The following INSIG2 variants were observed in gnomAD, a reference collection of about 807,000 sequenced individuals.
INSIG2 encodes insulin-induced gene 2 protein.
A neutral mutation model predicts 27.2 loss-of-function variants in INSIG2; 10 were observed. The ratio of observed to expected loss-of-function variants is 0.37; its 90% confidence interval spans 0.23 to 0.62. The LOEUF is 0.62. Among genes scored for constraint, INSIG2 ranks in the 20% least tolerant of loss-of-function variants. INSIG2 has a pLI of 0.65. For synonymous variants in INSIG2, 97 were observed against 95.8 expected (o/e 1.01, Z -0.07); for missense variants, 178 against 270.2 (o/e 0.66, Z 2.39).
chr2:118,094,706 G>A (rs1287252313), intron 1 of INSIG2, among the ~76,000 whole-genome samples: 1 of 152,140 alleles, frequency 6.6e-6, no homozygotes, highest in African/African-American at 2.4e-5. Context: ...AAAAAGGCCC[G>A]TTGTCTAAGT....
Position 118,088,514 on chromosome 2 carries a change from C to T in INSIG2, c.-166C>T. On this transcript the variant is annotated 5_prime_UTR_variant, in exon 1 of 6. Transcript: ENST00000245787. ...GAAGAGGCGGTAGGGGGTACGGGGGCTGGTCCCAGAAGATGGCGGAGGCGG... is the reference window on the plus strand; with the variant it reads ...GAAGAGGCGGTAGGGGGTACGGGGGTTGGTCCCAGAAGATGGCGGAGGCGG... 1 of 152,782 alleles carries T rather than the reference C, an allele frequency of 6.5e-6. No homozygotes were observed. Among genetic ancestry groups the T allele is most frequent in the Non-Finnish European group, 1.5e-5 (1 of 68,418 alleles). The allele number at this position is 152,782 out of a possible 1,614,324, so 9.5% of individuals were successfully genotyped here.
intron 3 of INSIG2, among the ~76,000 whole-genome samples, chr2:118,104,517 A>G (rs34910594): frequency 2.0e-5 from 3 of 152,212 alleles, no homozygotes; most frequent in Non-Finnish European, 2.9e-5. Flanking sequence ...AAGATTTTAT[A>G]AAAAATCTAG....
chr2:118,106,537 C>G lies in INSIG2; in HGVS notation c.370-200C>G, dbSNP rs1044266634. 8.0e-6 allele frequency: 4 copies of G among 501,224 alleles called. 1 individual carries two copies. The South Asian group carries it at 1.1e-4, about 14-fold the overall frequency. 31.0% of individuals were successfully genotyped at this position (501,224 alleles called of 1,614,324 possible). On this transcript the variant is annotated intron_variant, in intron 3 of 5. Coordinates refer to ENST00000245787, the MANE Select transcript of INSIG2 (RefSeq NM_016133.4). ...GTTGGTAGGATCTATTGATTAATGT[C>G]TTTTGTGTATCTGGTATTGGGTAAA...
intron 1 of INSIG2, among the ~76,000 whole-genome samples, chr2:118,094,801 C>A (rs1297397610): frequency 6.6e-6 from 1 of 152,144 alleles, no homozygotes; most frequent in Admixed American, 6.5e-5. Flanking sequence ...TGTAATTCAG[C>A]CCCATTCTCT....
chr2:118,106,935 G>T, intron 4 of INSIG2, 32 bp downstream of exon 4: 2 of 1,606,738 alleles, frequency 1.2e-6, no homozygotes, highest in South Asian at 2.2e-5. Context: ...TTTGGTGCTT[G>T]TTTGCTAGAT....
chr2:118,106,353 CA>C (rs1419605186), intron 3 of INSIG2, among the ~76,000 whole-genome samples: 1 of 152,116 alleles, frequency 6.6e-6, no homozygotes, highest in African/African-American at 2.4e-5. Context: ...TCCTTTTTTG[CA>C]AAAGTGTGTT....
At chr2:118,091,301 C>T (rs917888078) in intron 1 of INSIG2, among the ~76,000 whole-genome samples, 2 of 152,160 alleles carry the variant, frequency 1.3e-5, no homozygotes, top group African/African-American at 2.4e-5. Flanking sequence ...GTTTTGTGGA[C>T]GCCTCTATCC....
intron 3 of INSIG2, among the ~76,000 whole-genome samples, chr2:118,104,340 G>A (rs539775072): frequency 6.6e-6 from 1 of 152,290 alleles, no homozygotes; most frequent in South Asian, 2.1e-4. Context: ...CCATAGAAAA[G>A]AGCAGGGTCC....
chr2:118,096,694 A>C lies in INSIG2; in HGVS notation c.138A>C (p.Leu46Phe). ...FFIGVFLALV[L>F]NLLQIQRNVT... ...TTGGAGTATTTCTTGCATTAGTGTTAAATTTACTTCAGATTCAGAGAAATG... is the reference window on the plus strand; with the variant it reads ...TTGGAGTATTTCTTGCATTAGTGTTCAATTTACTTCAGATTCAGAGAAATG... Residue 46 changes from leucine to phenylalanine, a missense_variant, in exon 2 of 6, where the codon TTA (leucine) becomes TTC (phenylalanine). By Grantham distance (22) the Leu-to-Phe change is conservative. Transcript: ENST00000245787. The C allele has an allele frequency of 6.2e-7, 1 of 1,614,066 alleles. No homozygotes were observed.
intron 1 of INSIG2, among the ~76,000 whole-genome samples, chr2:118,089,877 G>A (rs2104517650): frequency 6.6e-6 from 1 of 152,334 alleles, no homozygotes; most frequent in South Asian, 2.1e-4. Context: ...AACTTTTTTA[G>A]GCACTGAGAT....
At chr2:118,094,101 T>G (rs71338920) in intron 1 of INSIG2, among the ~76,000 whole-genome samples, 1,865 of 45,112 alleles carry the variant, frequency 0.041, 197 homozygotes, top group South Asian at 0.087. Flanking sequence ...ATGATGATGA[T>G]GATGAGGAGG....
intron 3 of INSIG2, among the ~76,000 whole-genome samples, chr2:118,106,460 A>G (rs1404483920): frequency 1.3e-5 from 2 of 152,202 alleles, no homozygotes; most frequent in Admixed American, 6.5e-5. Flanking sequence ...TTGGGAATGT[A>G]TGTAGACTGT....
Position 118,096,403 on chromosome 2 carries a change from T to G in INSIG2, c.-138-16T>G. On this transcript the variant is annotated splice_polypyrimidine_tract_variant and intron_variant, in intron 1 of 5. Coordinates refer to ENST00000245787, the MANE Select transcript of INSIG2 (RefSeq NM_016133.4). ...TATTAGATACACATTAATTTCTTTTTTCTTATCTCTTGCAGGATTTCTGGT... is the reference window on the plus strand; with the variant it reads ...TATTAGATACACATTAATTTCTTTTGTCTTATCTCTTGCAGGATTTCTGGT... The G allele has an allele frequency of 1.5e-6, 1 of 658,080 alleles. No individual in the cohort carries two copies. Among genetic ancestry groups the G allele is most frequent in the Non-Finnish European group, 2.5e-6 (1 of 401,504 alleles). The allele number at this position is 658,080 out of a possible 1,614,324, so 40.8% of individuals were successfully genotyped here.
In INSIG2 at chr2:118,102,137, G is replaced by C. The variant is rs76518088; in HGVS notation, c.245-1060G>C. On this transcript the variant is annotated intron_variant, in intron 2 of 5. Transcript: ENST00000245787. ...TTCATGATTCCTCTTAAGTGGTATT[G>C]GTTATTTTAAACATGCTTTTCAACT... 4.8e-3 allele frequency among the ~76,000 whole-genome samples: 735 copies of C among 152,274 alleles called. 4 individuals are homozygous for C. Among genetic ancestry groups the C allele is most frequent in the African/African-American group, 0.017 (688 of 41,540 alleles).
rs1294070723 is a variant in INSIG2, at chr2:118,096,594, A to G, written c.38A>G (p.Lys13Arg). 4 of 1,613,688 alleles carry G rather than the reference A, an allele frequency of 2.5e-6. No homozygotes were observed. Among genetic ancestry groups the G allele is most frequent in the Non-Finnish European group, 3.4e-6 (4 of 1,179,792 alleles). ...GAGACAGAGTCACCTGGGCCCAAAA[A>G]GTGTGGCCCATATATTTCATCTGTC... Reference protein sequence around the residue: ...EGETESPGPKKCGPYISSVTS... With the variant: ...EGETESPGPKRCGPYISSVTS... The change falls in exon 2 of 6, where the codon AAG becomes AGG. Residue 13 changes from lysine to arginine, a missense_variant. Coordinates refer to ENST00000245787, the MANE Select transcript of INSIG2 (RefSeq NM_016133.4).
Position 118,108,532 on chromosome 2 carries a change from T to C in INSIG2, c.*210T>C. 1 of 425,584 alleles carries C rather than the reference T, an allele frequency of 2.3e-6. No individual in the cohort carries two copies. Among genetic ancestry groups the C allele is most frequent in the Non-Finnish European group, 4.2e-6 (1 of 235,754 alleles). The allele number at this position is 425,584 out of a possible 1,614,324, so 26.4% of individuals were successfully genotyped here. A position where few individuals can be genotyped will look rare whatever the true frequency, so the allele number is the denominator to read the frequency against. On this transcript the variant is annotated 3_prime_UTR_variant, in exon 6 of 6. Coordinates refer to ENST00000245787, the MANE Select transcript of INSIG2 (RefSeq NM_016133.4). ...CATCTGTAAATCAGTTGTAAACCTTTACATATTTGACTTAAATAACTGTAA... is the reference window on the plus strand; with the variant it reads ...CATCTGTAAATCAGTTGTAAACCTTCACATATTTGACTTAAATAACTGTAA...
chr2:118,094,898 G>T (rs989843201), intron 1 of INSIG2, among the ~76,000 whole-genome samples: 3 of 152,186 alleles, frequency 2.0e-5, no homozygotes, highest in African/African-American at 7.2e-5. Context: ...AATTTTATGT[G>T]ATGATTAGGA....
intron 1 of INSIG2, among the ~76,000 whole-genome samples, chr2:118,089,995 T>C (rs1186846977): frequency 6.6e-6 from 1 of 152,202 alleles, no homozygotes; most frequent in African/African-American, 2.4e-5. Context: ...AAGGCAAATA[T>C]TGCTTTTCTT....
chr2:118,090,460 C>A (rs1678198828), intron 1 of INSIG2, among the ~76,000 whole-genome samples: 1 of 152,190 alleles, frequency 6.6e-6, no homozygotes, highest in Admixed American at 6.5e-5. Flanking sequence ...TCACTTATAA[C>A]TCTTTTTTAA....
Sources: allele counts gnomAD v4.1 joint callset (sites outside exome capture counted in the v4.1 genomes callset), GRCh38; gene constraint gnomAD v4.1.1; transcripts MANE v1.5; gene names NCBI Gene and HGNC (gene_info 2026-07-23, HGNC 2026-07-21).